The following CLDN10 variants were observed in gnomAD, a reference collection of about 807,000 sequenced individuals.
CLDN10 encodes the protein claudin 10, also known as claudin-10.
Under a neutral mutation model 22.9 loss-of-function variants are expected in CLDN10, and 15 were observed. The observed-to-expected ratio is 0.65, with a 90% CI of 0.44 to 1.01. CLDN10 has a LOEUF of 1.01. CLDN10 is among the 50% of genes least tolerant of loss of function. The pLI is 0.00. For synonymous variants in CLDN10, 114 were observed against 111.4 expected, an observed-to-expected ratio of 1.02 and a Z score of -0.15; for missense variants, 247 against 287.8, an observed-to-expected ratio of 0.86 and a Z score of 1.03.
intron 1 of CLDN10, among the ~76,000 whole-genome samples, chr13:95,538,373 C>T (rs2043423650): frequency 1.3e-5 from 2 of 151,904 alleles, no homozygotes; most frequent in African/African-American, 4.8e-5. Context: ...CCCCTGACCT[C>T]ATGATCCACC....
In CLDN10 at chr13:95,448,442, C is replaced by A. The variant is rs573914028; in HGVS notation, c.214+14395C>A. Among the ~76,000 whole-genome samples the A allele has an allele frequency of 3.3e-5, 5 of 152,286 alleles. No individual in the cohort carries two copies. The East Asian group carries it at 7.7e-4, about 24-fold the overall frequency. The stretch of plus-strand genomic sequence containing the variant: ...TACCTACATACACATACACCATGCA[C>A]CTTGCAGACACCTCATACATGTCAC... On this transcript the variant is annotated intron_variant, in intron 1 of 4. Transcript: ENST00000376873.
In CLDN10 at chr13:95,446,953, T is replaced by C. The variant is rs186643439; in HGVS notation, c.214+12906T>C. Among the ~76,000 whole-genome samples, 120 of 152,302 alleles carry C rather than the reference T, an allele frequency of 7.9e-4. 2 individuals carry two copies. In the South Asian group the frequency reaches 0.015, roughly 19 times the overall value. The stretch of plus-strand genomic sequence containing the variant: ...ACAGTGTATGCCATCTAACCTTTTC[T>C]GGGAGAACGGACTACTACTTCTAAA... On this transcript the variant is annotated intron_variant, in intron 1 of 4. Transcript: ENST00000376873.
At chr13:95,569,899 G>A (rs899920722) in intron 3 of CLDN10, among the ~76,000 whole-genome samples, 1 of 152,024 alleles carries the variant, frequency 6.6e-6, no homozygotes, top group Non-Finnish European at 1.5e-5. Context: ...CTCCCAAGTA[G>A]CTGGGACTAC....
At chr13:95,505,506 C>T (rs17189775) in intron 1 of CLDN10, among the ~76,000 whole-genome samples, 7,277 of 152,268 alleles carry the variant, frequency 0.048, 269 homozygotes, top group African/African-American at 0.1. Flanking sequence ...ATTTTGGTTT[C>T]AGCCCAGGCC....
At chr13:95,433,912 G>A (rs1416896307) in exon 1 of CLDN10, 2 of 1,614,218 alleles carry the variant, frequency 1.2e-6, no homozygotes, top group Non-Finnish European at 1.7e-6. Flanking sequence ...CACGTCCAAT[G>A]AGTGGAAAGT....
chr13:95,534,969 G>T (rs1594594744), intron 1 of CLDN10, among the ~76,000 whole-genome samples: 1 of 152,264 alleles, frequency 6.6e-6, no homozygotes, highest in East Asian at 1.9e-4. Context: ...ACGCCACCAA[G>T]AATGAGAGAG....
chr13:95,513,062 G>A (rs1388865901), intron 1 of CLDN10, among the ~76,000 whole-genome samples: 1 of 152,038 alleles, frequency 6.6e-6, no homozygotes, highest in Admixed American at 6.6e-5. Flanking sequence ...TTTTTGTGGA[G>A]CACAGAGTCT....
At chr13:95,507,363 C>CA (rs1297200600) in intron 1 of CLDN10, among the ~76,000 whole-genome samples, 4 of 152,146 alleles carry the variant, frequency 2.6e-5, no homozygotes, top group African/African-American at 7.2e-5. Context: ...GTTTGAATCC[C>CA]ACATCACCCA....
At position 95,552,885 on chromosome 13, in the gene CLDN10, C is replaced by T; in HGVS notation, c.132C>T (p.Thr44=). 6.2e-7 allele frequency: 1 copy of T among 1,614,164 alleles called. No individual in the cohort carries two copies. The highest frequency in any genetic ancestry group is 1.7e-5 in the Admixed American group (1 of 60,032). ...TIDGTVITTA[T]YWANLWKACV... ...ACGGCACGGTCATCACAACCGCCAC[C>T]TATTGGGCCAACCTGTGGAAGGCGT... is the stretch of plus-strand genomic sequence containing the variant. Residue 44 remains threonine (T), a synonymous_variant, in exon 1 of 5, where the codon ACC becomes ACT. Coordinates refer to ENST00000299339, the MANE Select transcript of CLDN10 (RefSeq NM_006984.5).
chr13:95,499,903 A>G (rs901193022), intron 1 of CLDN10, among the ~76,000 whole-genome samples: 4 of 152,232 alleles, frequency 2.6e-5, no homozygotes, highest in African/African-American at 9.6e-5. Context: ...CATGAACACT[A>G]ATGATACCTG....
intron 1 of CLDN10, among the ~76,000 whole-genome samples, chr13:95,438,137 T>C (rs2042289568): frequency 6.6e-6 from 1 of 152,254 alleles, no homozygotes; most frequent in East Asian, 1.9e-4. Context: ...CACTTCAGCC[T>C]TGACTTCCTG....
intron 1 of CLDN10, among the ~76,000 whole-genome samples, chr13:95,547,596 T>C (rs2043523051): frequency 6.6e-6 from 1 of 152,212 alleles, no homozygotes; most frequent in Non-Finnish European, 1.5e-5. Flanking sequence ...GAAGCTGTCA[T>C]TTAGTCCCAC....
At chr13:95,464,332 A>G (rs1381012132) in intron 1 of CLDN10, among the ~76,000 whole-genome samples, 1 of 151,798 alleles carries the variant, frequency 6.6e-6, no homozygotes, top group Non-Finnish European at 1.5e-5. Flanking sequence ...ATTCCCACCT[A>G]TGAGTGAGAA....
chr13:95,509,417 C>T lies in CLDN10; in HGVS notation c.215-50715C>T, dbSNP rs7329996. 9.3e-3 allele frequency among the ~76,000 whole-genome samples: 1,421 copies of T among 152,244 alleles called. 30 individuals carry two copies. The highest frequency in any genetic ancestry group is 0.033 in the African/African-American group (1,352 of 41,534). On this transcript the variant is annotated intron_variant, in intron 1 of 4. Coordinates refer to the CLDN10 transcript ENST00000376873. ...GAAATTGGCTGGGGGTCAGGTCTGA[C>T]ATCGAGGAAAATTGAGCATAATGAG...
chr13:95,438,848 G>A (rs921063655), intron 1 of CLDN10, among the ~76,000 whole-genome samples: 8 of 152,022 alleles, frequency 5.3e-5, no homozygotes, highest in Middle Eastern at 3.4e-3. Flanking sequence ...GCGTGGTGGC[G>A]GGTCCCTGTA....
chr13:95,506,133 T>C (rs547105997), intron 1 of CLDN10, among the ~76,000 whole-genome samples: 18 of 152,310 alleles, frequency 1.2e-4, no homozygotes, highest in African/African-American at 4.3e-4. Flanking sequence ...TAGGAATGTC[T>C]GCAGCTGCTG....
chr13:95,515,250 A>G (rs1977359), intron 1 of CLDN10, among the ~76,000 whole-genome samples: 143,956 of 152,130 alleles, frequency 0.95, 68,605 homozygotes, highest in East Asian at 1. Context: ...CCACGATGGA[A>G]TGCAGTGGTA....
intron 1 of CLDN10, among the ~76,000 whole-genome samples, chr13:95,442,126 G>T (rs938740250): frequency 2.0e-5 from 3 of 152,184 alleles, no homozygotes; most frequent in Non-Finnish European, 2.9e-5. Flanking sequence ...ACTCCAGCTT[G>T]GGTGACAGAG....
chr13:95,466,759 T>C (rs2042584649), intron 1 of CLDN10, among the ~76,000 whole-genome samples: 1 of 152,104 alleles, frequency 6.6e-6, no homozygotes, highest in Non-Finnish European at 1.5e-5. Context: ...AAAATTTTAG[T>C]ATAGAAATAA....
Sources: gnomAD v4.1 joint callset for allele counts (sites outside exome capture counted in the v4.1 genomes callset) on GRCh38, gnomAD v4.1.1 for gene constraint, MANE v1.5 for transcripts, NCBI Gene and HGNC (gene_info 2026-07-23, HGNC 2026-07-21) for gene names.